The following RANBP10 variants were observed in gnomAD, a reference collection of about 807,000 sequenced individuals.
RANBP10 encodes ran-binding protein 10.
RANBP10 carries 24 observed loss-of-function variants against 72.8 expected under a neutral mutation model. The ratio of observed to expected loss-of-function variants is 0.33; its 90% CI spans 0.24 to 0.46. The LOEUF is 0.46. RANBP10 is among the 20% of genes least tolerant of loss of function. RANBP10 has a pLI of 1.00. For synonymous variants in RANBP10, 310 were observed against 322.3 expected, an observed-to-expected ratio of 0.96 and a Z score of 0.41; for missense variants, 679 against 817.5, an observed-to-expected ratio of 0.83 and a Z score of 2.07.
chr16:67,725,871 T>C lies in RANBP10; in HGVS notation c.*557A>G, dbSNP rs532256561. On this transcript the variant is annotated 3_prime_UTR_variant, in exon 14 of 14. Coordinates refer to ENST00000317506, the MANE Select transcript of RANBP10 (RefSeq NM_020850.3). The stretch of plus-strand genomic sequence containing the variant: ...ACAGAGATTCTTCTTTTTTAATGAG[T>C]TGGACTCAAAGAAAACATGGTGCCT... The C allele has an allele frequency of 6.6e-6, 1 of 152,422 alleles. No individual in the cohort carries two copies. Among genetic ancestry groups the C allele is most frequent in the Non-Finnish European group, 1.5e-5 (1 of 68,010 alleles). The allele number at this position is 152,422 out of a possible 1,614,324, so 9.4% of individuals were successfully genotyped here.
chr16:67,729,372 GGAC>G lies in RANBP10; in HGVS notation c.1257_1259del (p.Ser422del). The G allele has an allele frequency of 3.1e-6, 5 of 1,613,122 alleles. No individual in the cohort carries two copies. The highest frequency in any genetic ancestry group is 4.2e-6 in the Non-Finnish European group (5 of 1,179,528). On this transcript the variant is annotated inframe_deletion, in exon 10 of 14. Coordinates refer to ENST00000317506, the MANE Select transcript of RANBP10 (RefSeq NM_020850.3). This position sits in a 1 kb window ranked among gnomAD's most constrained non-coding sequence, Gnocchi z 7.1. ...AGTAATTGACGGAGGATGGGGAAGA[GGAC>G]GAGGAGGAGGAGGAGGACGAGGATG... is the stretch of plus-strand genomic sequence containing the variant.
intron 10 of RANBP10, 99 bp from the exon 11 acceptor site, chr16:67,728,610 G>C: frequency 6.3e-7 from 1 of 1,590,480 alleles, no homozygotes. Context: ...TGCTGTGGGT[G>C]AACCGAGGAC....
intron 2 of RANBP10, among the ~76,000 whole-genome samples, chr16:67,781,143 T>C (rs1047752345): frequency 2.0e-5 from 3 of 152,218 alleles, no homozygotes; most frequent in Non-Finnish European, 4.4e-5. Context: ...TGCCGGAGGC[T>C]GAAGGTGGAT....
At chr16:67,764,358 C>T (rs1010947993) in intron 3 of RANBP10, among the ~76,000 whole-genome samples, 7 of 152,190 alleles carry the variant, frequency 4.6e-5, no homozygotes, top group Non-Finnish European at 1.0e-4. Flanking sequence ...TGGGCTGACT[C>T]AGATAAGGGC....
chr16:67,806,520 G>C lies in RANBP10; in HGVS notation c.17C>G (p.Ala6Gly), dbSNP rs1475533372. ...CTGCGGGTTCCCAGCTCCCGGGTCT[G>C]CCGTCGCTGCCGCCATCTTGGAGGG... is the stretch of plus-strand genomic sequence containing the variant. Reference protein sequence around the residue: MAAATADPGAGNPQPG... With the variant: MAAATGDPGAGNPQPG... Residue 6 changes from alanine (A) to glycine (G), a missense_variant, in exon 1 of 14, where the codon GCA becomes GGA. Transcript: ENST00000317506. 6.6e-7 allele frequency: 1 copy of C among 1,510,396 alleles called. No homozygotes were observed. The highest frequency in any genetic ancestry group is 8.8e-7 in the Non-Finnish European group (1 of 1,137,216). The allele number at this position is 1,510,396 out of a possible 1,614,324, so 93.6% of individuals were successfully genotyped here. A position where few individuals can be genotyped will look rare whatever the true frequency, so the allele number is the denominator to read the frequency against.
At chr16:67,735,837 GGGA>G (rs1279477168) in intron 5 of RANBP10, 2 of 152,192 alleles carry the variant, frequency 1.3e-5, no homozygotes, top group Non-Finnish European at 2.9e-5. Flanking sequence ...CAGGAAAGGA[GGGA>G]GGAGGGGAAC....
At chr16:67,771,964 T>C in intron 3 of RANBP10, 70 bp downstream of exon 3, 1 of 1,552,492 alleles carries the variant, frequency 6.4e-7, no homozygotes, top group South Asian at 1.2e-5. Context: ...GCCTCTCTGC[T>C]ACCACCATGA....
chr16:67,776,852 C>T (rs2143014076), intron 2 of RANBP10, among the ~76,000 whole-genome samples: 1 of 150,764 alleles, frequency 6.6e-6, no homozygotes. Context: ...TGTATTGCTA[C>T]ACACTTATAA....
chr16:67,749,668 A>G (rs937499899), intron 3 of RANBP10, among the ~76,000 whole-genome samples: 3 of 152,176 alleles, frequency 2.0e-5, no homozygotes, highest in African/African-American at 7.2e-5. Context: ...TCAGAGAAAT[A>G]GCTCTTTTGG....
intron 2 of RANBP10, among the ~76,000 whole-genome samples, chr16:67,780,472 G>A (rs1045248096): frequency 2.0e-5 from 3 of 152,130 alleles, no homozygotes; most frequent in African/African-American, 7.2e-5. Context: ...GCTAAGCTGG[G>A]GATGGTGGCT....
At chr16:67,796,413 C>A (rs1009829975) in intron 2 of RANBP10, among the ~76,000 whole-genome samples, 1 of 152,132 alleles carries the variant, frequency 6.6e-6, no homozygotes, top group Non-Finnish European at 1.5e-5. Context: ...TGCCTTGGGA[C>A]TCTCCTTTAG....
intron 3 of RANBP10, among the ~76,000 whole-genome samples, chr16:67,769,446 A>AAAAAAAAAAAAT (rs2143011978): frequency 7.4e-6 from 1 of 135,554 alleles, no homozygotes; most frequent in African/African-American, 2.7e-5. Context: ...CCTGTCTCAA[A>AAAAAAAAAAAAT]AAAAAAAAAA....
At chr16:67,774,230 A>T (rs777526956) in intron 2 of RANBP10, among the ~76,000 whole-genome samples, 1 of 152,254 alleles carries the variant, frequency 6.6e-6, no homozygotes, top group Non-Finnish European at 1.5e-5. Flanking sequence ...GCTATGCCCA[A>T]CACCACATGT....
intron 5 of RANBP10, among the ~76,000 whole-genome samples, chr16:67,735,443 T>C (rs1295605568): frequency 1.3e-5 from 2 of 152,074 alleles, no homozygotes; most frequent in African/African-American, 4.8e-5. Context: ...GCCAAGGATC[T>C]CTCTGTCTCA....
intron 2 of RANBP10, among the ~76,000 whole-genome samples, chr16:67,793,700 C>A (rs2055073998): frequency 6.6e-6 from 1 of 152,036 alleles, no homozygotes. Flanking sequence ...AATTCTAAGT[C>A]TTGATAATTT....
intron 2 of RANBP10, among the ~76,000 whole-genome samples, chr16:67,779,889 G>T (rs560597090): frequency 1.3e-5 from 2 of 152,264 alleles, no homozygotes; most frequent in East Asian, 3.9e-4. Context: ...GCTGAGCCAA[G>T]GCCTGGTAAA....
Position 67,806,485 on chromosome 16 carries a change from A to T in RANBP10, c.52T>A (p.Ser18Thr). 1 of 1,545,352 alleles carries T rather than the reference A, an allele frequency of 6.5e-7. No individual in the cohort carries two copies. Among genetic ancestry groups the T allele is most frequent in the Non-Finnish European group, 8.7e-7 (1 of 1,151,336 alleles). ...PGAGNPQPGD[S>T]SGGGAGGGLP... ...CCGCCCCCAGCGCCCCCGCCGGAGG[A>T]GTCCCCAGGCTGCGGGTTCCCAGCT... The change falls in exon 1 of 14, where the codon TCC becomes ACC. Residue 18 changes from serine (S) to threonine (T), a missense_variant. By Grantham distance (58) the Ser-to-Thr change is moderately conservative. Transcript: ENST00000317506.
chr16:67,777,559 A>T (rs1193775184), intron 2 of RANBP10, among the ~76,000 whole-genome samples: 1 of 152,142 alleles, frequency 6.6e-6, no homozygotes, highest in Non-Finnish European at 1.5e-5. Flanking sequence ...AAAAAAAGTA[A>T]AAAAACTTAA....
Position 67,727,962 on chromosome 16 carries a change from G to A in RANBP10, c.1475-66C>T, listed in dbSNP as rs1163753710. On this transcript the variant is annotated intron_variant, in intron 11 of 13. Transcript: ENST00000317506. Reference sequence around the variant, plus strand: ...AAGAGGGAAGGGCAGGACTAGGGTGGGGCAGGAAGGACCCCGGGTGGGCTG... The same window carrying A: ...AAGAGGGAAGGGCAGGACTAGGGTGAGGCAGGAAGGACCCCGGGTGGGCTG... The A allele has an allele frequency of 2.2e-5, 34 of 1,566,430 alleles. 1 individual carries two copies. The East Asian group carries it at 7.2e-4, about 33-fold the overall frequency.
Sources: allele counts gnomAD v4.1 joint callset (sites outside exome capture counted in the v4.1 genomes callset), GRCh38; gene constraint gnomAD v4.1.1; non-coding constraint Gnocchi (gnomAD v3.1); transcripts MANE v1.5; gene names NCBI Gene and HGNC (gene_info 2026-07-23, HGNC 2026-07-21).